VWA3A: variants seen among roughly 807,000 people sequenced by gnomAD.
VWA3A encodes the protein von Willebrand factor A domain containing 3A.
A neutral mutation model predicts 160.4 loss-of-function variants in VWA3A; 134 were observed. That is an observed-to-expected ratio of 0.84 (90% CI 0.73 to 0.96). The LOEUF is 0.96. Ranked by LOEUF, VWA3A falls within the 40% of genes least tolerant of loss-of-function variation. The probability of loss-of-function intolerance (pLI) is 0.00; values close to 1 mark genes in which losing one functional copy is unlikely to be tolerated. For synonymous variants in VWA3A, 476 were observed against 543.4 expected (o/e 0.88, Z 1.72); for missense variants, 1,310 against 1,447.9 (o/e 0.90, Z 1.55).
intron 17 of VWA3A, among the ~76,000 whole-genome samples, chr16:22,126,759 G>T (rs1394419726): frequency 1.3e-5 from 2 of 152,050 alleles, no homozygotes; most frequent in African/African-American, 4.8e-5. Context: ...TGTAATCCCA[G>T]CACCTTGGGA....
Position 22,123,142 on chromosome 16 carries a change from C to G in VWA3A, c.1414C>G (p.Pro472Ala), listed in dbSNP as rs1007508310. 6.2e-7 allele frequency: 1 copy of G among 1,604,918 alleles called. No individual in the cohort carries two copies. Among genetic ancestry groups the G allele is most frequent in the African/African-American group, 1.3e-5 (1 of 74,816 alleles). ...GACAGTGAAGAACATTCATGTGGAC[C>G]CACCCTTCCTCTATAAGTACCAGGT... is the stretch of plus-strand genomic sequence containing the variant. The part of the protein sequence containing the change: ...DGTVKNIHVD[P>A]PFLYKYQQQL... The change falls in exon 15 of 34, where the codon CCA becomes GCA. Residue 472 changes from proline (P) to alanine (A), a missense_variant. Coordinates refer to ENST00000389398, the MANE Select transcript of VWA3A (RefSeq NM_173615.5).
intron 20 of VWA3A, among the ~76,000 whole-genome samples, chr16:22,134,120 C>A (rs530285338): frequency 6.6e-6 from 1 of 152,032 alleles, no homozygotes; most frequent in Non-Finnish European, 1.5e-5. Flanking sequence ...TCCACCACCA[C>A]GCCCAGTTAA....
rs1290975829 is a variant in VWA3A at position 22,150,766 on chromosome 16, C to T, written c.3201C>T (p.Ser1067=). 1 of 1,612,984 alleles carries T rather than the reference C, an allele frequency of 6.2e-7. No homozygotes were observed. Among genetic ancestry groups the T allele is most frequent in the East Asian group, 2.2e-5 (1 of 44,878 alleles). ...LTDGKPDTSC[S]LVLNEVQKLR... ...ACGGAAAGCCAGACACAAGCTGCAG[C>T]CTTGTCCTAAATGAAGTCCAAAAAC... The change falls in exon 30 of 34, where the codon AGC becomes AGT. Residue 1067 remains serine, a synonymous_variant. Coordinates refer to ENST00000389398, the MANE Select transcript of VWA3A (RefSeq NM_173615.5).
chr16:22,155,460 A>C (rs1472535021), intron 31 of VWA3A, 107 bp from the exon 32 acceptor site: 23 of 957,336 alleles, frequency 2.4e-5, no homozygotes, highest in Non-Finnish European at 3.7e-5. Context: ...GATTTCCTGC[A>C]CTGGATGGAA....
intron 16 of VWA3A, among the ~76,000 whole-genome samples, chr16:22,124,530 C>CTATTAT (rs10564178): frequency 0.012 from 1,643 of 141,158 alleles, 25 homozygotes; most frequent in Admixed American, 0.022. Context: ...TACTATACAT[C>CTATTAT]TATTATTATT....
Position 22,141,650 on chromosome 16 carries a change from A to AC in VWA3A, c.2453dup (p.Ser819IlefsTer12), listed in dbSNP as rs1329562202. On this transcript the variant is annotated frameshift_variant, in exon 24 of 34. Transcript: ENST00000389398. LOFTEE classifies it high-confidence loss of function. ...GAAGACCAAGTCAAGGGAAGCAGAGACATCTCTTTTACTGTTCTACACAGA... is the reference window on the plus strand; with the variant it reads ...GAAGACCAAGTCAAGGGAAGCAGAGACCATCTCTTTTACTGTTCTACACAGA... 1 of 1,612,230 alleles carries AC rather than the reference A, an allele frequency of 6.2e-7. No homozygotes were observed. Among genetic ancestry groups the AC allele is most frequent in the African/African-American group, 1.3e-5 (1 of 74,908 alleles).
At chr16:22,140,484 A>G (rs1315920894) in intron 23 of VWA3A, among the ~76,000 whole-genome samples, 1 of 152,254 alleles carries the variant, frequency 6.6e-6, no homozygotes, top group South Asian at 2.1e-4. Flanking sequence ...GCATGCCTGA[A>G]GTCCCCCAAG....
intron 26 of VWA3A, among the ~76,000 whole-genome samples, chr16:22,145,800 A>G (rs1287826296): frequency 2.0e-5 from 3 of 151,960 alleles, no homozygotes; most frequent in Admixed American, 6.6e-5. Flanking sequence ...AATACACTTA[A>G]CAGATGGTTG....
intron 4 of VWA3A, 48 bp from the exon 5 acceptor site, chr16:22,100,368 C>T: frequency 1.3e-6 from 2 of 1,551,650 alleles, no homozygotes; most frequent in South Asian, 1.2e-5. Flanking sequence ...GTGACACATG[C>T]AACCCCCTGG....
At chr16:22,094,301 C>T (rs756557742) in intron 1 of VWA3A, among the ~76,000 whole-genome samples, 20 of 151,260 alleles carry the variant, frequency 1.3e-4, no homozygotes, top group Non-Finnish European at 2.8e-4. Flanking sequence ...CCCAGGAAAG[C>T]TTGCTGAAGT....
chr16:22,156,229 C>A lies in VWA3A; in HGVS notation c.*212C>A. On this transcript the variant is annotated 3_prime_UTR_variant, in exon 34 of 34. Transcript: ENST00000389398. ...AACTCTCCAGCCCTGTCCCGCAGCGCACTCTACTCTCCAGCCACTAGATTG... is the reference window on the plus strand; with the variant it reads ...AACTCTCCAGCCCTGTCCCGCAGCGAACTCTACTCTCCAGCCACTAGATTG... 3.2e-6 allele frequency: 1 copy of A among 315,546 alleles called. No individual in the cohort carries two copies. The highest frequency in any genetic ancestry group is 5.9e-6 in the Non-Finnish European group (1 of 170,410). 19.5% of individuals were successfully genotyped at this position (315,546 alleles called of 1,614,324 possible).
At position 22,137,099 on chromosome 16, in the gene VWA3A, A is replaced by AG. The variant is rs2046058810; in HGVS notation, c.2140-1261_2140-1260insG. Reference sequence around the variant, plus strand: ...AATAAATAAATAAATAAATAAATAAATAAGTAAGTAAATAAATAAATATCC... The same window carrying AG: ...AATAAATAAATAAATAAATAAATAAAGTAAGTAAGTAAATAAATAAATATCC... On this transcript the variant is annotated intron_variant, in intron 21 of 33. Coordinates refer to ENST00000389398, the MANE Select transcript of VWA3A (RefSeq NM_173615.5). 2.2e-5 allele frequency among the ~76,000 whole-genome samples: 3 copies of AG among 135,312 alleles called. No individual in the cohort carries two copies. In the South Asian group the frequency reaches 7.4e-4, roughly 33 times the overall value. 88.8% of individuals were successfully genotyped at this position (135,312 alleles called of 152,430 possible). A position where few individuals can be genotyped will look rare whatever the true frequency, so the allele number is the denominator to read the frequency against.
chr16:22,142,891 CTGTAA>C, intron 25 of VWA3A, 126 bp downstream of exon 25: 1 of 708,842 alleles, frequency 1.4e-6, no homozygotes, highest in East Asian at 3.2e-5. Context: ...TGACTCACAC[CTGTAA>C]TCCCAGCACT....
At chr16:22,142,525 T>G in intron 24 of VWA3A, 143 bp from the exon 25 acceptor site, 1 of 609,246 alleles carries the variant, frequency 1.6e-6, no homozygotes, top group East Asian at 2.9e-5. Flanking sequence ...GAGAGAGCAT[T>G]GATCTATTCA....
intron 6 of VWA3A, among the ~76,000 whole-genome samples, chr16:22,106,675 T>G (rs2045486432): frequency 6.6e-6 from 1 of 152,112 alleles, no homozygotes; most frequent in Admixed American, 6.6e-5. Context: ...ATTCCAAAGC[T>G]GAGGGCTTTA....
At chr16:22,131,535 C>T in intron 18 of VWA3A, 50 bp from the exon 19 acceptor site, 1 of 1,598,586 alleles carries the variant, frequency 6.3e-7, no homozygotes, top group Middle Eastern at 1.7e-4. Context: ...AAAAGGTATG[C>T]CCTGGGCATG....
At position 22,131,190 on chromosome 16, in the gene VWA3A, C is replaced by G. The variant is rs766999349; in HGVS notation, c.1653-15C>G. 1.5e-5 allele frequency: 24 copies of G among 1,612,990 alleles called. No homozygotes were observed. The highest frequency in any genetic ancestry group is 1.2e-4 in the Admixed American group (7 of 59,914). On this transcript the variant is annotated splice_polypyrimidine_tract_variant and intron_variant, in intron 17 of 33. Transcript: ENST00000389398. ...CTCCCCCAGCCTAAGAACGAACTCT[C>G]TTTGCTTCTTAAAGGTTTGGAAGCA... is the stretch of plus-strand genomic sequence containing the variant.
At position 22,150,757 on chromosome 16, in the gene VWA3A, A is replaced by G. The variant is rs757907063; in HGVS notation, c.3192A>G (p.Thr1064=). 3.1e-6 allele frequency: 5 copies of G among 1,613,056 alleles called. No homozygotes were observed. The highest frequency in any genetic ancestry group is 4.2e-6 in the Non-Finnish European group (5 of 1,179,484). ...LYLLTDGKPD[T]SCSLVLNEVQ... ...TCCTGACCGACGGAAAGCCAGACACAAGCTGCAGCCTTGTCCTAAATGAAG... is the reference window on the plus strand; with the variant it reads ...TCCTGACCGACGGAAAGCCAGACACGAGCTGCAGCCTTGTCCTAAATGAAG... Residue 1064 remains threonine (T), a synonymous_variant, in exon 30 of 34, where the codon ACA becomes ACG. Coordinates refer to ENST00000389398, the MANE Select transcript of VWA3A (RefSeq NM_173615.5).
intron 1 of VWA3A, among the ~76,000 whole-genome samples, chr16:22,095,120 T>C (rs2045296152): frequency 6.6e-6 from 1 of 152,160 alleles, no homozygotes; most frequent in Admixed American, 6.5e-5. Flanking sequence ...ATCCCTCTAA[T>C]GAATGTATCG....
Sources: gnomAD v4.1 joint callset for allele counts (sites outside exome capture counted in the v4.1 genomes callset) on GRCh38, gnomAD v4.1.1 for gene constraint, MANE v1.5 for transcripts, NCBI Gene and HGNC (gene_info 2026-07-23, HGNC 2026-07-21) for gene names.